SLC52A3: variants seen among roughly 807,000 people sequenced by gnomAD.
The protein encoded by SLC52A3 is solute carrier family 52 member 3, also known as solute carrier family 52, riboflavin transporter, member 3.
In SLC52A3, 20 loss-of-function variants were observed where a neutral mutation model predicts 29.5. The ratio of observed to expected loss-of-function variants is 0.68; its 90% confidence interval spans 0.48 to 0.99. The LOEUF (loss-of-function observed/expected upper bound fraction) is 0.99, where lower values mean the gene tolerates loss of function less well. Ranked by LOEUF, SLC52A3 falls within the 50% of genes least tolerant of loss-of-function variation. The pLI, the probability that SLC52A3 is intolerant of heterozygous loss-of-function variation, is 0.00. For missense variants in SLC52A3, 548 were observed against 612.9 expected, an observed-to-expected ratio of 0.89 and a Z score of 1.12; for synonymous variants, 301 against 271.0, an observed-to-expected ratio of 1.11 and a Z score of -1.09.
chr20:768,985 C>G (rs1315746240), upstream of SLC52A3, among the ~76,000 whole-genome samples: 1 of 152,246 alleles, frequency 6.6e-6, no homozygotes, highest in East Asian at 1.9e-4. Context: ...GCGTCCTCAC[C>G]AGGGCCCATG....
upstream of SLC52A3, among the ~76,000 whole-genome samples, chr20:772,338 T>G (rs1249125660): frequency 6.6e-6 from 1 of 152,116 alleles, no homozygotes; most frequent in African/African-American, 2.4e-5. Flanking sequence ...ACAGTGGGGG[T>G]GTGTCCCCAC....
upstream of SLC52A3, among the ~76,000 whole-genome samples, chr20:770,683 C>T (rs549274312): frequency 9.3e-4 from 142 of 152,186 alleles, no homozygotes; most frequent in African/African-American, 3.3e-3. This position sits in a 1 kb window ranked among gnomAD's most constrained non-coding sequence, Gnocchi z 4.5. Context: ...ATGGAAATAC[C>T]ACGACTAAAA....
chr20:770,122 T>C (rs182450017), upstream of SLC52A3, among the ~76,000 whole-genome samples: 22 of 151,984 alleles, frequency 1.4e-4, no homozygotes, highest in African/African-American at 4.6e-4. This position sits in a 1 kb window ranked among gnomAD's most constrained non-coding sequence, Gnocchi z 4.5. Context: ...AAACGTGCTA[T>C]TTGAGGCTGA....
Position 765,446 on chromosome 20 carries a change from A to G in SLC52A3, c.329T>C (p.Val110Ala). 1 of 1,612,102 alleles carries G rather than the reference A, an allele frequency of 6.2e-7. No individual in the cohort carries two copies. The highest frequency in any genetic ancestry group is 8.5e-7 in the Non-Finnish European group (1 of 1,179,032). The change falls in exon 2 of 5, where the codon GTC becomes GCC. Residue 110 changes from valine to alanine, a missense_variant. Physicochemically the swap from Val to Ala is moderately conservative, Grantham distance 64. Coordinates refer to ENST00000645534, the MANE Select transcript of SLC52A3 (RefSeq NM_033409.4). This position sits in a 1 kb window ranked among gnomAD's most constrained non-coding sequence, Gnocchi z 6.6. ...LDGHHSIAFL[V>A]LTFFLALVDC... Reference sequence around the variant, plus strand: ...CACCAGGGCCAGGAAGAAGGTGAGGACCAAGAAGGCGATGCTGTGGTGGCC... The same window carrying G: ...CACCAGGGCCAGGAAGAAGGTGAGGGCCAAGAAGGCGATGCTGTGGTGGCC...
rs375978382 is a variant in SLC52A3, at chr20:761,873, AC to A, written c.1074-50del. 895 of 1,611,502 alleles carry A rather than the reference AC, an allele frequency of 5.6e-4. 12 individuals are homozygous for A. In the East Asian group the frequency reaches 0.016, roughly 29 times the overall value. On this transcript the variant is annotated intron_variant, in intron 3 of 4. Coordinates refer to ENST00000645534, the MANE Select transcript of SLC52A3 (RefSeq NM_033409.4). ...GTGGAGGTGAGAAGCCTGACCTCTG[AC>A]CCCCCCGCCCCACTGGGCGGCATGT...
Position 761,485 on chromosome 20 carries a change from C to T in SLC52A3, c.1197+216G>A, listed in dbSNP as rs562236610. 3,806 of 746,090 alleles carry T rather than the reference C, an allele frequency of 5.1e-3. 34 individuals are homozygous for T. Among genetic ancestry groups the T allele is most frequent in the South Asian group, 0.021 (1,169 of 54,460 alleles). The allele number at this position is 746,090 out of a possible 1,614,324, so 46.2% of individuals were successfully genotyped here. On this transcript the variant is annotated intron_variant, in intron 4 of 4. Coordinates refer to ENST00000645534, the MANE Select transcript of SLC52A3 (RefSeq NM_033409.4). Reference sequence around the variant, plus strand: ...GGCAAGGGCCCTTGAGAGAAGGCCCCTGCTGAGGTACACATGGTGGGAAGA... The same window carrying T: ...GGCAAGGGCCCTTGAGAGAAGGCCCTTGCTGAGGTACACATGGTGGGAAGA...
chr20:769,579 A>C (rs891078577), upstream of SLC52A3, among the ~76,000 whole-genome samples: 3 of 146,790 alleles, frequency 2.0e-5, no homozygotes, highest in Non-Finnish European at 4.6e-5. Context: ...CTATTTCAGC[A>C]AACGTATCAG....
At chr20:776,201 AG>A (rs1467224273), upstream of SLC52A3, among the ~76,000 whole-genome samples, 3 of 152,198 alleles carry the variant, frequency 2.0e-5, no homozygotes, top group Non-Finnish European at 4.4e-5. Flanking sequence ...AGATTTCATG[AG>A]GGTTGATCCC....
chr20:770,405 G>A (rs982318246), upstream of SLC52A3, among the ~76,000 whole-genome samples: 4 of 152,164 alleles, frequency 2.6e-5, no homozygotes, highest in Non-Finnish European at 4.4e-5. This position sits in a 1 kb window ranked among gnomAD's most constrained non-coding sequence, Gnocchi z 4.5. Context: ...TGATCCCCAC[G>A]CCTCAGCCTC....
upstream of SLC52A3, among the ~76,000 whole-genome samples, chr20:772,656 A>C (rs1330477957): frequency 6.7e-6 from 1 of 149,404 alleles, no homozygotes; most frequent in East Asian, 2.0e-4. Context: ...TTATTTATTC[A>C]TTTTAACCAG....
In SLC52A3 at chr20:761,185, C is replaced by T; in HGVS notation, c.1251G>A (p.Leu417=). The change falls in exon 5 of 5, where the codon CTG becomes CTA. Residue 417 remains leucine, a synonymous_variant. Coordinates refer to ENST00000645534, the MANE Select transcript of SLC52A3 (RefSeq NM_033409.4). ...SGCLSYVKVM[L]GVVLRDLSRS... ...GGCTGAGGTCGCGCAGGACCACGCC[C>T]AGCATCACCTTGACGTAACTGAGGC... 7 of 1,569,894 alleles carry T rather than the reference C, an allele frequency of 4.5e-6. No individual in the cohort carries two copies. The highest frequency in any genetic ancestry group is 6.0e-6 in the Non-Finnish European group (7 of 1,159,138).
Position 763,807 on chromosome 20 carries a change from A to G in SLC52A3, c.764T>C (p.Leu255Pro), listed in dbSNP as rs755135006. The change falls in exon 3 of 5, where the codon CTC becomes CCC. Residue 255 changes from leucine to proline, a missense_variant. This residue lies in a region of SLC52A3 where 375 missense variants were observed against 471.1 expected (regional missense o/e 0.80). Transcript: ENST00000645534. ...PRCWEASVEDLLNDQVTLHSI... is the reference protein window; with the variant it reads ...PRCWEASVEDPLNDQVTLHSI... The stretch of plus-strand genomic sequence containing the variant: ...GTGGAGGGTGACCTGGTCATTGAGG[A>G]GGTCTTCCACGGAAGCCTCCCAGCA... 1 of 1,614,064 alleles carries G rather than the reference A, an allele frequency of 6.2e-7. No individual in the cohort carries two copies. The highest frequency in any genetic ancestry group is 1.7e-5 in the Admixed American group (1 of 60,008).
Position 765,132 on chromosome 20 carries a change from G to A in SLC52A3, c.567+76C>T. Reference sequence around the variant, plus strand: ...GCCGACCAAAGAACCTAGAAGGATGGAGGTGAGCAGTTTTTCCCTCCCCTA... The same window carrying A: ...GCCGACCAAAGAACCTAGAAGGATGAAGGTGAGCAGTTTTTCCCTCCCCTA... On this transcript the variant is annotated intron_variant, in intron 2 of 4. Coordinates refer to ENST00000645534, the MANE Select transcript of SLC52A3 (RefSeq NM_033409.4). This position sits in a 1 kb window ranked among gnomAD's most constrained non-coding sequence, Gnocchi z 6.6. The A allele has an allele frequency of 4.6e-6, 7 of 1,512,778 alleles. No homozygotes were observed. Among genetic ancestry groups the A allele is most frequent in the Non-Finnish European group, 6.4e-6 (7 of 1,090,940 alleles). 93.7% of individuals were successfully genotyped at this position (1,512,778 alleles called of 1,614,324 possible).
At chr20:761,894 G>T (rs954950587) in intron 3 of SLC52A3, 70 bp from the exon 4 acceptor site, 30 of 1,605,418 alleles carry the variant, frequency 1.9e-5, no homozygotes, top group Non-Finnish European at 9.4e-6. Flanking sequence ...CCACTGGGCG[G>T]CATGTGGATG....
chr20:765,750 C>A lies in SLC52A3; in HGVS notation c.25G>T (p.Val9Phe). ...CAGGAGCCCATTCCGAAGACGCAGA[C>A]CAGCAGGTGCATCAGGAAGGCCATG... MAFLMHLL[V>F]CVFGMGSWVT... Residue 9 changes from valine to phenylalanine, a missense_variant, in exon 2 of 5, where the codon GTC becomes TTC. Transcript: ENST00000645534. The surrounding 1 kb of genome is among the most constrained non-coding windows in gnomAD (Gnocchi z 6.6). 1.9e-6 allele frequency: 3 copies of A among 1,608,808 alleles called. No individual in the cohort carries two copies. Among genetic ancestry groups the A allele is most frequent in the Non-Finnish European group, 2.5e-6 (3 of 1,178,426 alleles).
At position 763,495 on chromosome 20, in the gene SLC52A3, C is replaced by T. The variant is rs773121398; in HGVS notation, c.1073+3G>A. On this transcript the variant is annotated splice_donor_region_variant and intron_variant, in intron 3 of 4. Coordinates refer to ENST00000645534, the MANE Select transcript of SLC52A3 (RefSeq NM_033409.4). ...GATTCCCTAGGACCAGATGAGGGCA[C>T]ACCTGTTAGGCAGGAACATGGAGAC... 4.3e-6 allele frequency: 7 copies of T among 1,613,810 alleles called. No homozygotes were observed. Among genetic ancestry groups the T allele is most frequent in the Non-Finnish European group, 4.2e-6 (5 of 1,179,938 alleles).
In SLC52A3 at chr20:761,170, G is replaced by C. The variant is rs948343485; in HGVS notation, c.1266C>G (p.Arg422=). The change falls in exon 5 of 5, where the codon CGC becomes CGG. Residue 422 remains arginine, a synonymous_variant. Coordinates refer to ENST00000645534, the MANE Select transcript of SLC52A3 (RefSeq NM_033409.4). ...ACAAGAGGGCGCTGCGGCTGAGGTC[G>C]CGCAGGACCACGCCCAGCATCACCT... ...YVKVMLGVVL[R]DLSRSALLWC... 8 of 1,576,092 alleles carry C rather than the reference G, an allele frequency of 5.1e-6. No homozygotes were observed. The highest frequency in any genetic ancestry group is 6.9e-6 in the Non-Finnish European group (8 of 1,162,658).
chr20:778,013 C>CT (rs71191974), upstream of SLC52A3, among the ~76,000 whole-genome samples: 22,476 of 134,276 alleles, frequency 0.17, 1,944 homozygotes, highest in Non-Finnish European at 0.22. Flanking sequence ...TAGAGACTTT[C>CT]TTTTTTTTTT....
upstream of SLC52A3, among the ~76,000 whole-genome samples, chr20:769,624 C>T (rs889936372): frequency 7.2e-5 from 11 of 152,282 alleles, no homozygotes; most frequent in African/African-American, 2.2e-4. Context: ...TGGCCAGGCG[C>T]GGTGGCTCAC....
Sources: gnomAD v4.1 joint callset for allele counts (sites outside exome capture counted in the v4.1 genomes callset) on GRCh38, gnomAD v4.1.1 for gene constraint, gnomAD v4.1.1 regional missense constraint, Gnocchi (gnomAD v3.1) non-coding constraint, MANE v1.5 for transcripts, NCBI Gene and HGNC (gene_info 2026-07-23, HGNC 2026-07-21) for gene names.